The following NLRP9 variants were observed in gnomAD, a reference collection of about 807,000 sequenced individuals.
The protein encoded by NLRP9 is NLR family pyrin domain containing 9.
Under a neutral mutation model 83.1 loss-of-function variants are expected in NLRP9, and 88 were observed. That is an observed-to-expected ratio of 1.06 (90% confidence interval 0.89 to 1.26). The LOEUF is 1.26. Among genes scored for constraint, NLRP9 ranks in the 50% most tolerant of loss-of-function variants. The pLI is 0.00. For missense variants in NLRP9, 1,308 were observed against 1,179.3 expected (o/e 1.11, Z -1.60); for synonymous variants, 521 against 447.6 (o/e 1.16, Z -2.07).
chr19:55,710,114 G>C (rs1044898549), intron 8 of NLRP9, among the ~76,000 whole-genome samples: 2 of 152,126 alleles, frequency 1.3e-5, no homozygotes, highest in South Asian at 4.1e-4. Flanking sequence ...CAGCTACAGC[G>C]ACACTATGAG....
chr19:55,724,398 G>A (rs1165180496), intron 3 of NLRP9, among the ~76,000 whole-genome samples: 2 of 151,944 alleles, frequency 1.3e-5, no homozygotes, highest in Non-Finnish European at 2.9e-5. Flanking sequence ...CATAGAAGGA[G>A]AACGAGTCAG....
intron 7 of NLRP9, 130 bp from the exon 8 acceptor site, chr19:55,712,100 G>A (rs1987756349): frequency 2.2e-6 from 2 of 902,230 alleles, no homozygotes; most frequent in African/African-American, 1.7e-5. Flanking sequence ...TTCTCAGCCA[G>A]GACGATTGTG....
At chr19:55,718,433 A>C (rs1394504432) in intron 4 of NLRP9, among the ~76,000 whole-genome samples, 4 of 152,228 alleles carry the variant, frequency 2.6e-5, no homozygotes, top group Non-Finnish European at 5.9e-5. Flanking sequence ...AAAGCTGACC[A>C]TTCCCATTCA....
chr19:55,721,040 A>G (rs563982283), intron 4 of NLRP9, among the ~76,000 whole-genome samples: 1 of 152,382 alleles, frequency 6.6e-6, no homozygotes, highest in Non-Finnish European at 1.5e-5. Flanking sequence ...AGTGGAACAC[A>G]TTCATTTCAT....
Position 55,733,386 on chromosome 19 carries a change from C to T in NLRP9, c.445G>A (p.Val149Ile), listed in dbSNP as rs1484540789. 1 of 1,614,054 alleles carries T rather than the reference C, an allele frequency of 6.2e-7. No individual in the cohort carries two copies. Among genetic ancestry groups the T allele is most frequent in the African/African-American group, 1.3e-5 (1 of 74,922 alleles). Residue 149 changes from valine to isoleucine, a missense_variant, in exon 2 of 9, where the codon GTC (valine) becomes ATC (isoleucine). Transcript: ENST00000332836. ...CCAATTCCATCAGGACCTTCCAGGACCACAGTGTGTCGTCTAGCCGCAGCA... is the reference window on the plus strand; with the variant it reads ...CCAATTCCATCAGGACCTTCCAGGATCACAGTGTGTCGTCTAGCCGCAGCA... ...YTAAARRHTVVLEGPDGIGKT... is the reference protein window; with the variant it reads ...YTAAARRHTVILEGPDGIGKT...
At chr19:55,719,287 G>A (rs1286921455) in intron 4 of NLRP9, among the ~76,000 whole-genome samples, 1 of 152,154 alleles carries the variant, frequency 6.6e-6, no homozygotes, top group African/African-American at 2.4e-5. Context: ...CAACTAGCTG[G>A]GATTACAGGC....
intron 1 of NLRP9, 67 bp downstream of exon 1, chr19:55,738,028 T>C (rs369349671): frequency 1.4e-6 from 2 of 1,475,696 alleles, no homozygotes; most frequent in Non-Finnish European, 1.9e-6. Flanking sequence ...GGCCACTCAT[T>C]TAACAATGCT....
chr19:55,718,786 C>CT (rs1354025189), intron 4 of NLRP9, among the ~76,000 whole-genome samples: 2 of 152,178 alleles, frequency 1.3e-5, no homozygotes, highest in Non-Finnish European at 2.9e-5. Flanking sequence ...GCCCACTGTT[C>CT]TTTCTCTATA....
chr19:55,726,967 A>G (rs1409103299), intron 3 of NLRP9, among the ~76,000 whole-genome samples: 1 of 152,244 alleles, frequency 6.6e-6, no homozygotes, highest in Non-Finnish European at 1.5e-5. Context: ...TGATGTTTTT[A>G]CTAGACACTG....
At chr19:55,718,370 A>G (rs1184597909) in intron 4 of NLRP9, among the ~76,000 whole-genome samples, 4 of 152,158 alleles carry the variant, frequency 2.6e-5, no homozygotes, top group Admixed American at 1.3e-4. Context: ...CAGTTGAGAT[A>G]AGAGGAAGGC....
At chr19:55,726,532 T>A (rs971353795) in intron 3 of NLRP9, among the ~76,000 whole-genome samples, 6 of 151,994 alleles carry the variant, frequency 3.9e-5, no homozygotes, top group African/African-American at 1.5e-4. Flanking sequence ...TTGATCCATC[T>A]GTTATTAGTC....
rs201034048 is a variant in NLRP9, at chr19:55,733,336, C to T, written c.495G>A (p.Val165=). ...GIGKTTLLRK[V]MLDWAEGNLW... ...AGTTTCCCTCTGCCCAGTCCAACAT[C>T]ACTTTTCTTAAAAGGGTTGTTTTTC... Residue 165 remains valine (V), a synonymous_variant, in exon 2 of 9, where the codon GTG becomes GTA. Coordinates refer to ENST00000332836, the MANE Select transcript of NLRP9 (RefSeq NM_176820.4). 2 of 1,614,174 alleles carry T rather than the reference C, an allele frequency of 1.2e-6. No individual in the cohort carries two copies. The highest frequency in any genetic ancestry group is 2.2e-5 in the East Asian group (1 of 44,888).
chr19:55,714,100 G>A (rs954134764), intron 6 of NLRP9, among the ~76,000 whole-genome samples: 2 of 151,462 alleles, frequency 1.3e-5, no homozygotes, highest in Non-Finnish European at 1.5e-5. Flanking sequence ...CATGGGAACA[G>A]GGATGTTAGA....
rs192409567 is a variant in NLRP9 at position 55,730,012 on chromosome 19, G to A, written c.1833-20C>T. On this transcript the variant is annotated intron_variant, in intron 2 of 8. Coordinates refer to ENST00000332836, the MANE Select transcript of NLRP9 (RefSeq NM_176820.4). ...TTGTAACTATGAGAGAACAAAGATT[G>A]TGATTCTCCAGTGGCTAAACTCAAT... The A allele has an allele frequency of 1.8e-4, 284 of 1,603,884 alleles. 1 individual carries two copies. The Middle Eastern group carries it at 2.3e-3, about 13-fold the overall frequency.
In NLRP9 at chr19:55,733,486, G is replaced by A; in HGVS notation, c.345C>T (p.Thr115=). The A allele has an allele frequency of 6.2e-7, 1 of 1,612,960 alleles. No homozygotes were observed. The highest frequency in any genetic ancestry group is 1.3e-5 in the African/African-American group (1 of 74,964). ...ETFQLIWEKE[T]CLHVPEHFYK... ...AGAAATGCTCAGGGACGTGAAGACAGGTTTCCTTCTCCCATATGAGTTGAA... is the reference window on the plus strand; with the variant it reads ...AGAAATGCTCAGGGACGTGAAGACAAGTTTCCTTCTCCCATATGAGTTGAA... The change falls in exon 2 of 9, where the codon ACC becomes ACT. Residue 115 remains threonine (T), a synonymous_variant. Transcript: ENST00000332836.
chr19:55,724,546 T>C (rs1216849770), intron 3 of NLRP9, among the ~76,000 whole-genome samples: 2 of 152,128 alleles, frequency 1.3e-5, no homozygotes, highest in African/African-American at 4.8e-5. Context: ...CAAGCAAAAC[T>C]GTGTTACCCA....
intron 4 of NLRP9, among the ~76,000 whole-genome samples, chr19:55,720,546 T>G (rs1988192688): frequency 6.6e-6 from 1 of 152,026 alleles, no homozygotes; most frequent in Non-Finnish European, 1.5e-5. Context: ...CCCAGGCTGG[T>G]CTCCAACTCC....
At chr19:55,725,316 T>C (rs899805865) in intron 3 of NLRP9, among the ~76,000 whole-genome samples, 7 of 152,162 alleles carry the variant, frequency 4.6e-5, no homozygotes, top group African/African-American at 9.7e-5. Context: ...AATGTGTATT[T>C]ACAAACCAGA....
chr19:55,732,547 C>G lies in NLRP9; in HGVS notation c.1284G>C (p.Trp428Cys). ...TCCTTTGGAGGAGTCTCATACCCACCCACATCACGCCCTCAGACTCAGATA... is the reference window on the plus strand; with the variant it reads ...TCCTTTGGAGGAGTCTCATACCCACGCACATCACGCCCTCAGACTCAGATA... Reference protein sequence around the residue: ...NGLSESEGVMWVGMRLLQRRG... With the variant: ...NGLSESEGVMCVGMRLLQRRG... The change falls in exon 2 of 9, where the codon TGG becomes TGC. Residue 428 changes from tryptophan to cysteine, a missense_variant. Transcript: ENST00000332836. 1 of 1,614,158 alleles carries G rather than the reference C, an allele frequency of 6.2e-7. No homozygotes were observed. The highest frequency in any genetic ancestry group is 8.5e-7 in the Non-Finnish European group (1 of 1,180,022).
Sources: allele counts gnomAD v4.1 joint callset (sites outside exome capture counted in the v4.1 genomes callset), GRCh38; gene constraint gnomAD v4.1.1; transcripts MANE v1.5; gene names NCBI Gene and HGNC (gene_info 2026-07-23, HGNC 2026-07-21).